The following MKLN1 variants were observed in gnomAD, a reference collection of about 807,000 sequenced individuals.
MKLN1 encodes muskelin.
Under a neutral mutation model 99.0 loss-of-function variants are expected in MKLN1, and 18 were observed. The observed-to-expected ratio is 0.18, with a 90% confidence interval of 0.13 to 0.27. MKLN1 has a LOEUF of 0.27. Among genes scored for constraint, MKLN1 ranks in the 10% least tolerant of loss-of-function variants. The pLI is 1.00. For missense variants in MKLN1, 621 were observed against 875.9 expected, an observed-to-expected ratio of 0.71 and a Z score of 3.67; for synonymous variants, 288 against 293.2, an observed-to-expected ratio of 0.98 and a Z score of 0.18.
At chr7:131,445,142 AG>A (rs992331589) in intron 11 of MKLN1, among the ~76,000 whole-genome samples, 2 of 152,142 alleles carry the variant, frequency 1.3e-5, no homozygotes, top group African/African-American at 4.8e-5. Flanking sequence ...TAAAATCATT[AG>A]AAATACTATT....
intron 3 of MKLN1, among the ~76,000 whole-genome samples, chr7:131,271,275 G>A (rs760550604): frequency 2.0e-5 from 3 of 152,116 alleles, no homozygotes; most frequent in Non-Finnish European, 4.4e-5. Flanking sequence ...TCTGAAGGGT[G>A]AATAAACCTT....
intron 3 of MKLN1, among the ~76,000 whole-genome samples, chr7:131,293,495 A>G (rs1798250557): frequency 6.6e-6 from 1 of 152,212 alleles, no homozygotes; most frequent in Admixed American, 6.5e-5. Context: ...TCTGCAAAAC[A>G]ACTGGACTAG....
intron 1 of MKLN1, among the ~76,000 whole-genome samples, chr7:131,139,248 C>T (rs987098954): frequency 6.6e-6 from 1 of 152,028 alleles, no homozygotes. Flanking sequence ...AACAGAGAGC[C>T]GGTGGTGAGG....
chr7:131,417,797 A>G (rs1483842273), intron 8 of MKLN1, among the ~76,000 whole-genome samples: 3 of 152,220 alleles, frequency 2.0e-5, no homozygotes, highest in African/African-American at 7.2e-5. Context: ...AGAGGGGAAG[A>G]CTAGAAGGAC....
At chr7:131,412,063 G>A (rs1794898344) in intron 7 of MKLN1, among the ~76,000 whole-genome samples, 1 of 152,016 alleles carries the variant, frequency 6.6e-6, no homozygotes, top group Non-Finnish European at 1.5e-5. Flanking sequence ...CTTCAACCTG[G>A]GCAACAGAGC....
chr7:131,224,526 T>C (rs992055856), intron 3 of MKLN1, among the ~76,000 whole-genome samples: 3 of 151,962 alleles, frequency 2.0e-5, no homozygotes, highest in Non-Finnish European at 4.4e-5. Flanking sequence ...AGCCTGGTGA[T>C]AGAGCGAGAC....
chr7:131,122,855 A>G (rs1795393720), intron 1 of MKLN1, among the ~76,000 whole-genome samples: 1 of 151,960 alleles, frequency 6.6e-6, no homozygotes, highest in African/African-American at 2.4e-5. Context: ...CCCCATCTCT[A>G]CTAAAAATAC....
At chr7:131,368,373 A>G (rs1466627385) in intron 1 of MKLN1, among the ~76,000 whole-genome samples, 1 of 152,182 alleles carries the variant, frequency 6.6e-6, no homozygotes, top group East Asian at 1.9e-4. Context: ...GTGTGTTAGT[A>G]CGTTCTCACA....
intron 1 of MKLN1, among the ~76,000 whole-genome samples, chr7:131,359,758 G>A (rs1040790739): frequency 9.9e-5 from 15 of 150,970 alleles, no homozygotes; most frequent in African/African-American, 3.2e-4. Flanking sequence ...TTTTGAGACA[G>A]GGTTTCACTC....
intron 15 of MKLN1, among the ~76,000 whole-genome samples, chr7:131,469,593 A>G (rs1796760407): frequency 6.6e-6 from 1 of 152,134 alleles, no homozygotes; most frequent in South Asian, 2.1e-4. Flanking sequence ...ATATTTTGCT[A>G]GTCTTTGTCC....
intron 2 of MKLN1, among the ~76,000 whole-genome samples, chr7:131,150,124 T>G (rs1488599718): frequency 6.6e-6 from 1 of 152,142 alleles, no homozygotes; most frequent in Admixed American, 6.6e-5. Context: ...TTGAACTGAT[T>G]TGACATCCTT....
chr7:131,463,127 A>G (rs1292486367), intron 12 of MKLN1, 90 bp from the exon 13 acceptor site: 2 of 1,196,700 alleles, frequency 1.7e-6, no homozygotes, highest in South Asian at 1.4e-5. Flanking sequence ...CTGTTCTTTA[A>G]AAAAAGAAAG....
Position 131,496,047 on chromosome 7 carries a change from C to T in MKLN1, c.*8319C>T, listed in dbSNP as rs1222473874. The T allele has an allele frequency of 6.6e-6, 1 of 152,142 alleles. No homozygotes were observed. Among genetic ancestry groups the T allele is most frequent in the African/African-American group, 2.4e-5 (1 of 41,398 alleles). 9.4% of individuals were successfully genotyped at this position (152,142 alleles called of 1,614,324 possible). A position where few individuals can be genotyped will look rare whatever the true frequency, so the allele number is the denominator to read the frequency against. ...TCCATAAAACAAGAGTTCTTTACCA[C>T]GTTTAAGCAAATGTCTCTCAAAAAA... On this transcript the variant is annotated 3_prime_UTR_variant, in exon 18 of 18. Coordinates refer to ENST00000352689, the MANE Select transcript of MKLN1 (RefSeq NM_013255.5).
intron 15 of MKLN1, among the ~76,000 whole-genome samples, chr7:131,466,778 T>C (rs1050553455): frequency 6.6e-6 from 1 of 152,234 alleles, no homozygotes; most frequent in African/African-American, 2.4e-5. Context: ...TGTAGTGATA[T>C]AGTTGACTAT....
intron 3 of MKLN1, chr7:131,243,035 A>G (rs1797429871): frequency 6.3e-6 from 3 of 479,304 alleles, no homozygotes; most frequent in Non-Finnish European, 1.2e-5. Context: ...AATTAAACAG[A>G]AAAAAAAAAG....
intron 2 of MKLN1, among the ~76,000 whole-genome samples, chr7:131,155,772 A>G (rs758923939): frequency 2.6e-4 from 39 of 152,210 alleles, no homozygotes; most frequent in Non-Finnish European, 4.7e-4. Flanking sequence ...TAACTTCATT[A>G]AAGTCATACA....
rs988018313 is a variant in MKLN1, at chr7:131,404,875, T to C, written c.703+5442T>C. The stretch of plus-strand genomic sequence containing the variant: ...GCCTCCCAAAGTGCTAGAATTACAG[T>C]TGTGAGCCGCCACCCTCAGCCGAAT... On this transcript the variant is annotated intron_variant, in intron 6 of 17. Coordinates refer to ENST00000352689, the MANE Select transcript of MKLN1 (RefSeq NM_013255.5). 2.6e-5 allele frequency among the ~76,000 whole-genome samples: 4 copies of C among 152,146 alleles called. No homozygotes were observed. In the East Asian group the frequency reaches 7.8e-4, roughly 29 times the overall value.
intron 16 of MKLN1, among the ~76,000 whole-genome samples, chr7:131,477,875 C>G (rs1797010987): frequency 6.6e-6 from 1 of 152,170 alleles, no homozygotes; most frequent in Admixed American, 6.5e-5. Context: ...TTTAACTGGT[C>G]TCTTTTCCTG....
chr7:131,222,811 G>C (rs1358189760), intron 3 of MKLN1, among the ~76,000 whole-genome samples: 1 of 146,614 alleles, frequency 6.8e-6, no homozygotes, highest in African/African-American at 2.6e-5. Flanking sequence ...GAGGTCAGGA[G>C]TTCAAGACCA....
Sources: gnomAD v4.1 joint callset for allele counts (sites outside exome capture counted in the v4.1 genomes callset) on GRCh38, gnomAD v4.1.1 for gene constraint, MANE v1.5 for transcripts, NCBI Gene and HGNC (gene_info 2026-07-23, HGNC 2026-07-21) for gene names.